The following KCNIP4 variants were observed in gnomAD, a reference collection of about 807,000 sequenced individuals.
The protein encoded by KCNIP4 is Kv channel-interacting protein 4.
KCNIP4 carries 12 observed loss-of-function variants against 34.0 expected under a neutral mutation model. That is an observed-to-expected ratio of 0.35 (90% CI 0.23 to 0.57). The LOEUF (loss-of-function observed/expected upper bound fraction) is 0.57, where lower values mean the gene tolerates loss of function less well. Ranked by LOEUF, KCNIP4 falls within the 20% of genes least tolerant of loss-of-function variation. KCNIP4 has a pLI of 0.83. For missense variants in KCNIP4, 238 were observed against 311.7 expected, an observed-to-expected ratio of 0.76 and a Z score of 1.78; for synonymous variants, 124 against 102.2, an observed-to-expected ratio of 1.21 and a Z score of -1.29.
chr4:21,824,424 T>C (rs1432003879), intron 1 of KCNIP4, among the ~76,000 whole-genome samples: 3 of 152,162 alleles, frequency 2.0e-5, no homozygotes, highest in Non-Finnish European at 2.9e-5. Flanking sequence ...AAACCTAAGA[T>C]TGGTGCTCAA....
chr4:21,587,994 T>G (rs1741779201), intron 1 of KCNIP4, among the ~76,000 whole-genome samples: 1 of 152,034 alleles, frequency 6.6e-6, no homozygotes, highest in African/African-American at 2.4e-5. Context: ...GTTCCCTTTC[T>G]TTGGTATTGT....
At chr4:21,417,351 A>G (rs1725042700) in intron 1 of KCNIP4, among the ~76,000 whole-genome samples, 1 of 151,958 alleles carries the variant, frequency 6.6e-6, no homozygotes, top group South Asian at 2.1e-4. Flanking sequence ...GATGCACCAG[A>G]TAAGGGACTT....
chr4:21,106,154 T>A (rs183583441), intron 1 of KCNIP4, among the ~76,000 whole-genome samples: 21,772 of 151,472 alleles, frequency 0.14, 1,886 homozygotes, highest in East Asian at 0.23. Context: ...TTGATTGGAA[T>A]AGTTTCAGAA....
chr4:21,443,863 G>A (rs1238169473), intron 1 of KCNIP4, among the ~76,000 whole-genome samples: 1 of 152,096 alleles, frequency 6.6e-6, no homozygotes, highest in East Asian at 1.9e-4. Context: ...AGCCTGAGAG[G>A]TTGAAGCTGC....
In KCNIP4 at chr4:21,267,830, C is replaced by T. The variant is rs12650340; in HGVS notation, c.62-385121G>A. Among the ~76,000 whole-genome samples, 1,044 of 149,508 alleles carry T rather than the reference C, an allele frequency of 7.0e-3. 48 individuals are homozygous for T. In the East Asian group the frequency reaches 0.14, roughly 20 times the overall value. ...ATTCTCTTTTTTGGTTGTGTCTCTG[C>T]CCGGCTTTGGTATCAAGATGATGCT... is the stretch of plus-strand genomic sequence containing the variant. On this transcript the variant is annotated intron_variant, in intron 1 of 8. Coordinates refer to ENST00000382152, the MANE Select transcript of KCNIP4 (RefSeq NM_025221.6).
At chr4:21,495,359 C>T (rs77410658) in intron 1 of KCNIP4, among the ~76,000 whole-genome samples, 2,964 of 152,284 alleles carry the variant, frequency 0.019, 95 homozygotes, top group East Asian at 0.12. Context: ...GACCACCCCA[C>T]TTTGACAGTT....
At chr4:20,731,661 G>A in intron 8 of KCNIP4, 1 of 985,226 alleles carries the variant, frequency 1.0e-6, no homozygotes, top group Non-Finnish European at 1.2e-6. Context: ...AGATATGATA[G>A]ATAATATATG....
At chr4:20,920,910 A>G (rs1235040664) in intron 1 of KCNIP4, among the ~76,000 whole-genome samples, 1 of 151,780 alleles carries the variant, frequency 6.6e-6, no homozygotes, top group African/African-American at 2.4e-5. Flanking sequence ...AATTGCTTGA[A>G]CCCGGGAGGT....
intron 1 of KCNIP4, among the ~76,000 whole-genome samples, chr4:21,865,822 C>T (rs1443241023): frequency 6.6e-6 from 1 of 151,870 alleles, no homozygotes; most frequent in East Asian, 1.9e-4. Flanking sequence ...GGATTACAGG[C>T]ATGAGCCACC....
chr4:20,843,429 A>G (rs948363641), intron 3 of KCNIP4, among the ~76,000 whole-genome samples: 1 of 152,140 alleles, frequency 6.6e-6, no homozygotes, highest in African/African-American at 2.4e-5. Flanking sequence ...ACATTTTATG[A>G]GTTTAAAATT....
At chr4:21,874,858 G>A (rs1020513010) in intron 1 of KCNIP4, among the ~76,000 whole-genome samples, 1 of 151,882 alleles carries the variant, frequency 6.6e-6, no homozygotes, top group East Asian at 1.9e-4. Context: ...TTTCTAACTT[G>A]ATTGTATTTC....
chr4:20,729,882 CAGTGGCATTATGA>C lies in KCNIP4; in HGVS notation c.*187_*199del. 3 of 494,882 alleles carry C rather than the reference CAGTGGCATTATGA, an allele frequency of 6.1e-6. No individual in the cohort carries two copies. 30.7% of individuals were successfully genotyped at this position (494,882 alleles called of 1,614,324 possible). On this transcript the variant is annotated 3_prime_UTR_variant, in exon 9 of 9. Coordinates refer to ENST00000382152, the MANE Select transcript of KCNIP4 (RefSeq NM_025221.6). ...AATGAGTTAGACCATCCCCTGAACTCAGTGGCATTATGAAAAGGATGCAAATTTATAACTGAAA... is the reference window on the plus strand; with the variant it reads ...AATGAGTTAGACCATCCCCTGAACTCAAAGGATGCAAATTTATAACTGAAA...
intron 3 of KCNIP4, among the ~76,000 whole-genome samples, chr4:20,828,944 A>G (rs1300823487): frequency 6.6e-6 from 1 of 152,178 alleles, no homozygotes; most frequent in East Asian, 1.9e-4. Flanking sequence ...AAGTGTCAGA[A>G]ACCCCCCTTT....
At chr4:21,671,060 G>A (rs1307505035) in intron 1 of KCNIP4, among the ~76,000 whole-genome samples, 2 of 151,272 alleles carry the variant, frequency 1.3e-5, no homozygotes, top group Non-Finnish European at 2.9e-5. Flanking sequence ...ACTTAGTGTC[G>A]TTTTGTTTCT....
At chr4:21,217,269 A>C (rs371259304) in intron 1 of KCNIP4, among the ~76,000 whole-genome samples, 1 of 152,290 alleles carries the variant, frequency 6.6e-6, no homozygotes, top group East Asian at 1.9e-4. Context: ...GGGCTCAATA[A>C]TAAGAGTTGC....
chr4:21,064,652 T>G (rs920160603), intron 1 of KCNIP4, among the ~76,000 whole-genome samples: 5 of 152,230 alleles, frequency 3.3e-5, no homozygotes, highest in Non-Finnish European at 7.4e-5. Flanking sequence ...AGAAGGGAAA[T>G]AAATAAGTGC....
chr4:21,721,906 G>C (rs1714846751), intron 1 of KCNIP4, among the ~76,000 whole-genome samples: 1 of 152,110 alleles, frequency 6.6e-6, no homozygotes, highest in Non-Finnish European at 1.5e-5. Context: ...GTGTTCATAA[G>C]ACATGACTGT....
intron 3 of KCNIP4, among the ~76,000 whole-genome samples, chr4:20,845,850 A>T (rs1030366807): frequency 2.0e-5 from 3 of 152,194 alleles, no homozygotes; most frequent in African/African-American, 7.2e-5. Flanking sequence ...GCCAACAACC[A>T]CAGGAGCTTA....
intron 1 of KCNIP4, among the ~76,000 whole-genome samples, chr4:20,942,967 C>T (rs1005758369): frequency 1.6e-4 from 25 of 152,150 alleles, no homozygotes; most frequent in African/African-American, 5.1e-4. Flanking sequence ...CCACCGTGCC[C>T]AGCCTCTGCT....
Sources: gnomAD v4.1 joint callset for allele counts (sites outside exome capture counted in the v4.1 genomes callset) on GRCh38, gnomAD v4.1.1 for gene constraint, MANE v1.5 for transcripts, NCBI Gene and HGNC (gene_info 2026-07-23, HGNC 2026-07-21) for gene names.